GFI1B: variants seen among roughly 807,000 people sequenced by gnomAD.
GFI1B encodes zinc finger protein Gfi-1b.
Under a neutral mutation model 35.3 loss-of-function variants are expected in GFI1B, and 20 were observed. The observed-to-expected ratio is 0.57, with a 90% CI of 0.40 to 0.82. The LOEUF (loss-of-function observed/expected upper bound fraction) is 0.82. Among genes scored for constraint, GFI1B ranks in the 40% least tolerant of loss-of-function variants. GFI1B has a pLI of 0.00. For synonymous variants in GFI1B, 178 were observed against 177.6 expected, an observed-to-expected ratio of 1.00 and a Z score of -0.02; for missense variants, 430 against 446.3, an observed-to-expected ratio of 0.96 and a Z score of 0.33.
intron 1 of GFI1B, among the ~76,000 whole-genome samples, chr9:132,963,047 G>A (rs577893848): frequency 7.8e-4 from 99 of 127,132 alleles, no homozygotes; most frequent in South Asian, 6.5e-3. Context: ...GCGCCACTGC[G>A]CTCCAGCCTG....
chr9:132,990,053 G>A (rs1849234512), intron 6 of GFI1B, 146 bp downstream of exon 6: 1 of 724,614 alleles, frequency 1.4e-6, no homozygotes. Context: ...CTGGGCACCT[G>A]TGCTACTTAA....
chr9:132,960,192 T>C (rs1462720384), intron 1 of GFI1B, among the ~76,000 whole-genome samples: 1 of 152,146 alleles, frequency 6.6e-6, no homozygotes, highest in East Asian at 1.9e-4. Context: ...GAACTTTGCT[T>C]CTGGTTTCAT....
chr9:132,973,392 A>G (rs1848567197), intron 2 of GFI1B, among the ~76,000 whole-genome samples: 1 of 152,162 alleles, frequency 6.6e-6, no homozygotes, highest in Non-Finnish European at 1.5e-5. Flanking sequence ...TTCAGCCCTG[A>G]TATGGTCCCT....
intron 1 of GFI1B, among the ~76,000 whole-genome samples, chr9:132,979,121 C>A (rs1480153131): frequency 6.6e-6 from 1 of 152,196 alleles, no homozygotes; most frequent in Non-Finnish European, 1.5e-5. Flanking sequence ...CAAAGTCATA[C>A]CCACAACCCA....
At chr9:132,992,403 G>A (rs1849319317), downstream of GFI1B, among the ~76,000 whole-genome samples, 1 of 152,108 alleles carries the variant, frequency 6.6e-6, no homozygotes, top group Non-Finnish European at 1.5e-5. Flanking sequence ...GACTTTGCAG[G>A]TGTGATGAAG....
At chr9:132,990,350 TTTGC>T (rs1260109210) in intron 6 of GFI1B, among the ~76,000 whole-genome samples, 1 of 152,222 alleles carries the variant, frequency 6.6e-6, no homozygotes, top group Non-Finnish European at 1.5e-5. Context: ...TGTTCACTCA[TTTGC>T]TCATTCATTT....
At chr9:132,978,124 C>T (rs1337270604), upstream of GFI1B, among the ~76,000 whole-genome samples, 1 of 136,302 alleles carries the variant, frequency 7.3e-6, no homozygotes, top group Non-Finnish European at 1.6e-5. Context: ...GAGGAGGCAG[C>T]GAGGAGGGAG....
In GFI1B at chr9:132,989,700, G is replaced by C. The variant is rs1407468572; in HGVS notation, c.649-42G>C. 2 of 1,580,088 alleles carry C rather than the reference G, an allele frequency of 1.3e-6. No homozygotes were observed. The highest frequency in any genetic ancestry group is 1.7e-6 in the Non-Finnish European group (2 of 1,151,452). On this transcript the variant is annotated intron_variant, in intron 5 of 6. Transcript: ENST00000372122. This position sits in a 1 kb window ranked among gnomAD's most constrained non-coding sequence, Gnocchi z 6.2. The stretch of plus-strand genomic sequence containing the variant: ...GGGGATCCCGGCCGGGTCCAGTCCT[G>C]AGCCTGCACCTGACCCCCCGGGGCC...
At chr9:132,986,853 C>T (rs556276839) in intron 2 of GFI1B, 75 bp downstream of exon 2, 11 of 872,670 alleles carry the variant, frequency 1.3e-5, no homozygotes, top group South Asian at 2.8e-5. Flanking sequence ...GGTGCAGCAG[C>T]GTCCCTCCTG....
At chr9:132,988,943 C>A (rs1484861392) in intron 4 of GFI1B, 118 bp from the exon 5 acceptor site, 3 of 953,924 alleles carry the variant, frequency 3.1e-6, no homozygotes, top group Non-Finnish European at 5.0e-6. Flanking sequence ...CAATCCAGTG[C>A]CCCTTACTCT....
At chr9:132,963,578 C>A (rs966759895) in intron 1 of GFI1B, among the ~76,000 whole-genome samples, 1 of 151,922 alleles carries the variant, frequency 6.6e-6, no homozygotes. Flanking sequence ...ATCTCGAACT[C>A]CTGATCTCAG....
chr9:132,975,758 A>G (rs1401447133), upstream of GFI1B, among the ~76,000 whole-genome samples: 1 of 152,236 alleles, frequency 6.6e-6, no homozygotes, highest in African/African-American at 2.4e-5. Context: ...GAATAAACTG[A>G]TGAATGGGCA....
At chr9:132,950,814 T>G (rs1449619088) in intron 1 of GFI1B, among the ~76,000 whole-genome samples, 1 of 145,634 alleles carries the variant, frequency 6.9e-6, no homozygotes, top group Admixed American at 6.9e-5. Context: ...TCTGTTTGTA[T>G]GGGGTTTTTT....
intron 1 of GFI1B, among the ~76,000 whole-genome samples, chr9:132,983,761 C>G (rs1368414789): frequency 1.3e-5 from 2 of 152,250 alleles, no homozygotes; most frequent in African/African-American, 4.8e-5. Flanking sequence ...CGGCTCCACT[C>G]CCTCTGCAGA....
chr9:132,988,569 G>C, intron 4 of GFI1B, 101 bp downstream of exon 4: 1 of 1,093,662 alleles, frequency 9.1e-7, no homozygotes, highest in Non-Finnish European at 1.3e-6. Context: ...GAATGTTGGG[G>C]CTCTGGTGGG....
chr9:132,974,881 A>T (rs1848598365), upstream of GFI1B: 1 of 152,238 alleles, frequency 6.6e-6, no homozygotes, highest in Admixed American at 6.5e-5. Context: ...AGACAGTATC[A>T]TTTGAGCATC....
At position 132,988,272 on chromosome 9, in the gene GFI1B, G is replaced by C. The variant is rs759097390; in HGVS notation, c.314G>C (p.Ser105Thr). Residue 105 changes from serine (S) to threonine (T), a missense_variant, in exon 4 of 7, where the codon AGC (serine) becomes ACC (threonine). Transcript: ENST00000372122. ...LSDSPPFYKP[S>T]FSWDTLATTY... is the part of the protein sequence containing the mutation. ...GACTCACCCCCATTCTACAAGCCTA[G>C]CTTCTCCTGGGACACCTTGGCCACA... 1.9e-6 allele frequency: 3 copies of C among 1,614,012 alleles called. No individual in the cohort carries two copies. The African/African-American group carries it at 4.0e-5, about 22-fold the overall frequency.
chr9:132,984,718 T>C (rs973506820), intron 1 of GFI1B, among the ~76,000 whole-genome samples: 3 of 152,182 alleles, frequency 2.0e-5, no homozygotes, highest in Non-Finnish European at 4.4e-5. Context: ...ATATGAGCAC[T>C]GAGGCTCAGT....
chr9:132,985,824 C>T (rs1283085873), intron 1 of GFI1B, among the ~76,000 whole-genome samples: 1 of 152,244 alleles, frequency 6.6e-6, no homozygotes, highest in East Asian at 1.9e-4. Flanking sequence ...CCACGAACCA[C>T]TGATTCCAAA....
Sources: gnomAD v4.1 joint callset for allele counts (sites outside exome capture counted in the v4.1 genomes callset) on GRCh38, gnomAD v4.1.1 for gene constraint, Gnocchi (gnomAD v3.1) non-coding constraint, MANE v1.5 for transcripts, NCBI Gene and HGNC (gene_info 2026-07-23, HGNC 2026-07-21) for gene names.